MED6: variants seen among roughly 807,000 people sequenced by gnomAD.
The protein encoded by MED6 is mediator of RNA polymerase II transcription subunit 6.
In MED6, 33 loss-of-function variants were observed where a neutral mutation model predicts 37.5. The ratio of observed to expected loss-of-function variants is 0.88; its 90% confidence interval spans 0.67 to 1.18. The LOEUF (loss-of-function observed/expected upper bound fraction) is 1.18, where lower values mean the gene tolerates loss of function less well. Among genes scored for constraint, MED6 ranks in the 50% most tolerant of loss-of-function variants. The pLI is 0.00. For synonymous variants in MED6, 94 were observed against 93.6 expected, an observed-to-expected ratio of 1.00 and a Z score of -0.02; for missense variants, 235 against 290.6, an observed-to-expected ratio of 0.81 and a Z score of 1.39.
chr14:70,590,933 G>T (rs1001600337), intron 6 of MED6, among the ~76,000 whole-genome samples: 5 of 152,198 alleles, frequency 3.3e-5, no homozygotes, highest in African/African-American at 1.2e-4. Context: ...CTGGAAGGTG[G>T]CATGTAGAGT....
intron 7 of MED6, 136 bp from the exon 8 acceptor site, chr14:70,585,079 A>G: frequency 9.6e-7 from 1 of 1,037,744 alleles, no homozygotes; most frequent in Non-Finnish European, 1.4e-6. Flanking sequence ...CTGTTTCCCC[A>G]GGCAGATGTA....
intron 2 of MED6, 187 bp from the exon 3 acceptor site, chr14:70,596,889 G>A: frequency 4.1e-6 from 2 of 491,090 alleles, no homozygotes; most frequent in Non-Finnish European, 7.3e-6. Context: ...TATAGATAAA[G>A]TAAGACTTGT....
intron 3 of MED6, among the ~76,000 whole-genome samples, chr14:70,595,968 G>T (rs1885033629): frequency 6.6e-6 from 1 of 152,218 alleles, no homozygotes; most frequent in African/African-American, 2.4e-5. Flanking sequence ...TAGCTTTGAT[G>T]CAGTGAGTCG....
chr14:70,593,141 C>G lies in MED6; in HGVS notation c.358-153G>C, dbSNP rs945194414. ...GAGACTATGAAATATACTTTGAGCA[C>G]CGACTTGGCTCACAGTAACCAAAGT... On this transcript the variant is annotated intron_variant, in intron 4 of 7. Coordinates refer to ENST00000256379, the MANE Select transcript of MED6 (RefSeq NM_005466.4). 27 of 1,273,830 alleles carry G rather than the reference C, an allele frequency of 2.1e-5. No homozygotes were observed. In the African/African-American group the frequency reaches 3.9e-4, roughly 18 times the overall value. 78.9% of individuals were successfully genotyped at this position (1,273,830 alleles called of 1,614,324 possible).
chr14:70,595,928 C>T (rs915270046), intron 3 of MED6, among the ~76,000 whole-genome samples: 22 of 152,162 alleles, frequency 1.4e-4, no homozygotes, highest in South Asian at 4.1e-4. Flanking sequence ...GACGTTCAGT[C>T]GGTATACCAA....
At chr14:70,592,574 T>C (rs998681194) in intron 5 of MED6, 5 of 165,448 alleles carry the variant, frequency 3.0e-5, no homozygotes, top group South Asian at 2.7e-4. Context: ...GTGATCCACC[T>C]GCCTTGGCAT....
At position 70,591,284 on chromosome 14, in the gene MED6, A is replaced by G; in HGVS notation, c.564T>C (p.Phe188=). ...DALLLDLRQK[F]PPKFVQLKPG... ...TCATTACCTGCACAAATTTGGGTGGAAATTTTTGTCTGAGGTCTAAAAGTA... is the reference window on the plus strand; with the variant it reads ...TCATTACCTGCACAAATTTGGGTGGGAATTTTTGTCTGAGGTCTAAAAGTA... The change falls in exon 6 of 8, where the codon TTT becomes TTC. Residue 188 remains phenylalanine, a synonymous_variant. Coordinates refer to ENST00000256379, the MANE Select transcript of MED6 (RefSeq NM_005466.4). The G allele has an allele frequency of 6.2e-7, 1 of 1,612,116 alleles. No homozygotes were observed. The highest frequency in any genetic ancestry group is 8.5e-7 in the Non-Finnish European group (1 of 1,179,332).
At chr14:70,585,077 C>A in intron 7 of MED6, 134 bp from the exon 8 acceptor site, 1 of 1,060,144 alleles carries the variant, frequency 9.4e-7, no homozygotes, top group South Asian at 1.6e-5. Context: ...AGCTGTTTCC[C>A]CAGGCAGATG....
Position 70,600,529 on chromosome 14 carries a change from A to C in MED6, c.22+87T>G, listed in dbSNP as rs1477340573. Reference sequence around the variant, plus strand: ...CAAAAAAGCTTGAGACTTCACACAAAGGAACCTAAACCTTGAAACCGCGAG... The same window carrying C: ...CAAAAAAGCTTGAGACTTCACACAACGGAACCTAAACCTTGAAACCGCGAG... On this transcript the variant is annotated intron_variant, in intron 1 of 7. Coordinates refer to ENST00000256379, the MANE Select transcript of MED6 (RefSeq NM_005466.4). The C allele has an allele frequency of 4.1e-6, 6 of 1,466,954 alleles. No individual in the cohort carries two copies. In the African/African-American group the frequency reaches 8.4e-5, roughly 21 times the overall value. The allele number at this position is 1,466,954 out of a possible 1,614,324, so 90.9% of individuals were successfully genotyped here.
intron 5 of MED6, chr14:70,592,594 CTGGGATTA>C (rs558963881): frequency 3.4e-4 from 68 of 199,972 alleles, no homozygotes; most frequent in African/African-American, 1.7e-3. Context: ...TTCCAAAGTG[CTGGGATTA>C]CAGGAGTGAG....
chr14:70,594,990 T>C (rs1438143816), intron 3 of MED6: 2 of 587,854 alleles, frequency 3.4e-6, no homozygotes, highest in Non-Finnish European at 3.4e-6. Flanking sequence ...TCTCAAGTAC[T>C]GTGGACAATG....
At position 70,592,865 on chromosome 14, in the gene MED6, G is replaced by C; in HGVS notation, c.466+15C>G. The C allele has an allele frequency of 6.2e-7, 1 of 1,612,970 alleles. No homozygotes were observed. Among genetic ancestry groups the C allele is most frequent in the Non-Finnish European group, 8.5e-7 (1 of 1,179,416 alleles). The stretch of plus-strand genomic sequence containing the variant: ...ATCAAAAAGTGTTTTAGGAGGGTAT[G>C]GATGTTCTACTTACCTTGCTCTTCA... On this transcript the variant is annotated intron_variant, in intron 5 of 7. Coordinates refer to ENST00000256379, the MANE Select transcript of MED6 (RefSeq NM_005466.4).
intron 1 of MED6, among the ~76,000 whole-genome samples, chr14:70,599,170 A>G (rs955529559): frequency 6.6e-6 from 1 of 152,248 alleles, no homozygotes; most frequent in African/African-American, 2.4e-5. Flanking sequence ...GCATCTTCAA[A>G]GAAGTCAGAC....
intron 1 of MED6, among the ~76,000 whole-genome samples, chr14:70,598,158 T>C (rs1595055223): frequency 6.6e-6 from 1 of 151,856 alleles, no homozygotes; most frequent in East Asian, 1.9e-4. Flanking sequence ...GCCTGGCGTG[T>C]TTGTGCATGC....
Position 70,584,377 on chromosome 14 carries a change from T to A in MED6, c.*436A>T. Reference sequence around the variant, plus strand: ...ACAAGAAATCATGATGGGAATAATATCTTTTCTTCTTTTTTGAGACAAAGT... The same window carrying A: ...ACAAGAAATCATGATGGGAATAATAACTTTTCTTCTTTTTTGAGACAAAGT... On this transcript the variant is annotated 3_prime_UTR_variant, in exon 8 of 8. Transcript: ENST00000256379. The A allele has an allele frequency of 2.3e-6, 1 of 437,238 alleles. No individual in the cohort carries two copies. Among genetic ancestry groups the A allele is most frequent in the Admixed American group, 3.8e-5 (1 of 26,588 alleles). The allele number at this position is 437,238 out of a possible 1,614,324, so 27.1% of individuals were successfully genotyped here. A position where few individuals can be genotyped will look rare whatever the true frequency, so the allele number is the denominator to read the frequency against.
intron 6 of MED6, among the ~76,000 whole-genome samples, chr14:70,587,095 C>T (rs1019898594): frequency 4.6e-5 from 7 of 152,190 alleles, no homozygotes; most frequent in African/African-American, 1.2e-4. Flanking sequence ...TCCAAAAACA[C>T]ACCTTGGGTA....
At chr14:70,585,648 C>G (rs1170822875) in intron 7 of MED6, 108 bp downstream of exon 7, 44 of 948,018 alleles carry the variant, frequency 4.6e-5, no homozygotes, top group Non-Finnish European at 6.4e-5. Context: ...AGCCCCAGCT[C>G]TAGAAGGACA....
chr14:70,593,143 G>T, intron 4 of MED6, 153 bp downstream of exon 4: 2 of 1,276,762 alleles, frequency 1.6e-6, no homozygotes, highest in South Asian at 1.4e-5. Context: ...TTTGAGCACC[G>T]ACTTGGCTCA....
rs1457001662 is a variant in MED6 at position 70,584,434 on chromosome 14, GCATGATAATCAGCTCA to G, written c.*363_*378del. The G allele has an allele frequency of 9.7e-5, 34 of 349,874 alleles. No homozygotes were observed. Among genetic ancestry groups the G allele is most frequent in the Non-Finnish European group, 1.7e-4 (32 of 193,686 alleles). The allele number at this position is 349,874 out of a possible 1,614,324, so 21.7% of individuals were successfully genotyped here. A position where few individuals can be genotyped will look rare whatever the true frequency, so the allele number is the denominator to read the frequency against. ...CTGTCGCCCAAGCTGGAGTGCAACAGCATGATAATCAGCTCAGGGCAACCTCCACCTCCCGGGTTCA... is the reference window on the plus strand; with the variant it reads ...CTGTCGCCCAAGCTGGAGTGCAACAGGGGCAACCTCCACCTCCCGGGTTCA... On this transcript the variant is annotated 3_prime_UTR_variant, in exon 8 of 8. Transcript: ENST00000256379.
Sources: allele counts gnomAD v4.1 joint callset (sites outside exome capture counted in the v4.1 genomes callset), GRCh38; gene constraint gnomAD v4.1.1; transcripts MANE v1.5; gene names NCBI Gene and HGNC (gene_info 2026-07-23, HGNC 2026-07-21).